Variants in AGBL3 observed in about 807,000 individuals in gnomAD.
AGBL3 encodes AGBL carboxypeptidase 3.
Under a neutral mutation model 94.5 loss-of-function variants are expected in AGBL3, and 68 were observed. That is an observed-to-expected ratio of 0.72 (90% CI 0.59 to 0.88). The LOEUF (loss-of-function observed/expected upper bound fraction) is 0.88, where lower values mean the gene tolerates loss of function less well. AGBL3 is among the 40% of genes least tolerant of loss of function. The pLI is 0.00. For missense variants in AGBL3, 934 were observed against 1,103.8 expected, an observed-to-expected ratio of 0.85 and a Z score of 2.18; for synonymous variants, 354 against 370.7, an observed-to-expected ratio of 0.95 and a Z score of 0.52.
intron 15 of AGBL3, among the ~76,000 whole-genome samples, chr7:135,090,164 G>C (rs1178884752): frequency 6.6e-6 from 1 of 152,122 alleles, no homozygotes. Flanking sequence ...ATGAAGCACT[G>C]TGTAGTAGTG....
rs1350640474 is a variant in AGBL3 at position 135,112,800 on chromosome 7, G to A, written c.2111-2580G>A. ...TTTATTTTTATTTTTTTGAGATGGAGTATTGATTGCTCTGTCACACAGGCT... is the reference window on the plus strand; with the variant it reads ...TTTATTTTTATTTTTTTGAGATGGAATATTGATTGCTCTGTCACACAGGCT... On this transcript the variant is annotated intron_variant, in intron 15 of 16. Transcript: ENST00000436302. Among the ~76,000 whole-genome samples, 4 of 152,246 alleles carry A rather than the reference G, an allele frequency of 2.6e-5. No homozygotes were observed. In the East Asian group the frequency reaches 7.7e-4, roughly 29 times the overall value.
chr7:135,099,106 T>C (rs1823365971), intron 15 of AGBL3, among the ~76,000 whole-genome samples: 2 of 152,202 alleles, frequency 1.3e-5, no homozygotes, highest in Non-Finnish European at 2.9e-5. Context: ...ACACTTTTCA[T>C]ATTTCATTTT....
At chr7:135,131,966 C>G (rs1828839919) in intron 16 of AGBL3, among the ~76,000 whole-genome samples, 1 of 151,996 alleles carries the variant, frequency 6.6e-6, no homozygotes, top group African/African-American at 2.4e-5. Flanking sequence ...TGAACTACCC[C>G]AACTCATTCA....
intron 15 of AGBL3, among the ~76,000 whole-genome samples, chr7:135,104,150 A>G: frequency 6.6e-6 from 1 of 152,058 alleles, no homozygotes; most frequent in East Asian, 1.9e-4. Flanking sequence ...TCCCACTTAT[A>G]AGTGACAACA....
At position 135,135,075 on chromosome 7, in the gene AGBL3, G is replaced by A. The variant is rs1388834223; in HGVS notation, c.2577G>A (p.Trp859Ter). 2 of 1,551,148 alleles carry A rather than the reference G, an allele frequency of 1.3e-6. No individual in the cohort carries two copies. The highest frequency in any genetic ancestry group is 1.7e-6 in the Non-Finnish European group (2 of 1,146,644). Residue 859 changes from tryptophan to a stop codon, truncating the protein, a stop_gained, in exon 17 of 17, where the codon TGG (tryptophan) becomes TGA (stop). Coordinates refer to ENST00000436302, the MANE Select transcript of AGBL3 (RefSeq NM_178563.4). LOFTEE classifies it low-confidence loss of function (END_TRUNC). ...ACATAAAACCTCTCAGCAGCAAGTG[G>A]GAGACTGCTTCTTCAAGCTTTGGAA... ...NEDIKPLSSK[W>*]ETASSSFGMD...
chr7:135,013,142 A>C (rs938310827), intron 4 of AGBL3, among the ~76,000 whole-genome samples: 7 of 152,238 alleles, frequency 4.6e-5, no homozygotes, highest in Non-Finnish European at 8.8e-5. Flanking sequence ...TCAAAGAATT[A>C]TAATAATCAA....
chr7:135,097,044 T>C (rs764883455), intron 15 of AGBL3, among the ~76,000 whole-genome samples: 9 of 152,194 alleles, frequency 5.9e-5, no homozygotes, highest in Non-Finnish European at 8.8e-5. Context: ...CAATGCTCAG[T>C]TGAACATAAT....
chr7:135,029,290 C>T (rs189500731), intron 5 of AGBL3, among the ~76,000 whole-genome samples: 132 of 152,326 alleles, frequency 8.7e-4, no homozygotes, highest in African/African-American at 2.8e-3. Context: ...CAATAGAAGG[C>T]TGATTGTCTA....
At chr7:135,037,605 T>A in intron 8 of AGBL3, 25 bp downstream of exon 8, 1 of 1,501,478 alleles carries the variant, frequency 6.7e-7, no homozygotes, top group Non-Finnish European at 8.9e-7. Flanking sequence ...AGGTATTAAC[T>A]TTTCCTTTAT....
chr7:135,100,558 T>G (rs1823682063), intron 15 of AGBL3, among the ~76,000 whole-genome samples: 1 of 152,206 alleles, frequency 6.6e-6, no homozygotes, highest in Non-Finnish European at 1.5e-5. Flanking sequence ...GCTTCTCTTC[T>G]AAGAACTCAG....
chr7:135,075,860 G>A (rs1281029619), intron 12 of AGBL3, among the ~76,000 whole-genome samples: 2 of 152,084 alleles, frequency 1.3e-5, no homozygotes, highest in African/African-American at 2.4e-5. Context: ...ATGCTTATTT[G>A]CCTGGCCCCC....
chr7:135,013,352 G>C (rs566367890), intron 4 of AGBL3, among the ~76,000 whole-genome samples: 4 of 152,068 alleles, frequency 2.6e-5, no homozygotes, highest in African/African-American at 9.7e-5. Flanking sequence ...TGACAGTTTT[G>C]TTTCTTAATA....
At chr7:135,124,576 C>T (rs1350869946) in intron 16 of AGBL3, among the ~76,000 whole-genome samples, 1 of 152,188 alleles carries the variant, frequency 6.6e-6, no homozygotes, top group Admixed American at 6.5e-5. Flanking sequence ...AATCTCCACC[C>T]CAAATCAACA....
chr7:135,013,886 G>A (rs1205896599), intron 4 of AGBL3, among the ~76,000 whole-genome samples: 1 of 152,044 alleles, frequency 6.6e-6, no homozygotes, highest in Non-Finnish European at 1.5e-5. Flanking sequence ...AAGCGAGAAA[G>A]CCTAAAAAGA....
At chr7:135,127,275 G>A (rs770058519) in intron 16 of AGBL3, among the ~76,000 whole-genome samples, 2 of 152,126 alleles carry the variant, frequency 1.3e-5, no homozygotes, top group African/African-American at 2.4e-5. Context: ...AAAGCTCAAT[G>A]GTTGGGTGTG....
At chr7:135,050,975 CT>C in intron 11 of AGBL3, 1 of 397,940 alleles carries the variant, frequency 2.5e-6, no homozygotes, top group South Asian at 1.9e-5. Context: ...CAGTTTTTTT[CT>C]CTTTTCTTCT....
chr7:135,115,861 G>C, intron 16 of AGBL3: 2 of 381,240 alleles, frequency 5.2e-6, no homozygotes, highest in South Asian at 9.0e-5. Context: ...TATTAATAAA[G>C]TAGGCATAAA....
chr7:135,059,669 C>CA (rs1818654686), intron 12 of AGBL3, among the ~76,000 whole-genome samples: 3 of 151,884 alleles, frequency 2.0e-5, no homozygotes, highest in Admixed American at 2.0e-4. Context: ...GGGGGAGATA[C>CA]AAAATAAAGA....
At position 135,115,417 on chromosome 7, in the gene AGBL3, C is replaced by T. The variant is rs1372533194; in HGVS notation, c.2148C>T (p.Cys716=). The T allele has an allele frequency of 3.2e-6, 5 of 1,551,082 alleles. No homozygotes were observed. Among genetic ancestry groups the T allele is most frequent in the East Asian group, 2.4e-5 (1 of 40,858 alleles). ...HHNLKSKIKE[C]ISFQSKKTGI... is the part of the protein sequence containing the mutation. ...ACTTAAAAAGCAAAATAAAAGAATGCATATCTTTCCAAAGCAAGAAGACTG... is the reference window on the plus strand; with the variant it reads ...ACTTAAAAAGCAAAATAAAAGAATGTATATCTTTCCAAAGCAAGAAGACTG... The change falls in exon 16 of 17, where the codon TGC becomes TGT. Residue 716 remains cysteine (C), a synonymous_variant. Coordinates refer to ENST00000436302, the MANE Select transcript of AGBL3 (RefSeq NM_178563.4).
Sources: allele counts gnomAD v4.1 joint callset (sites outside exome capture counted in the v4.1 genomes callset), GRCh38; gene constraint gnomAD v4.1.1; transcripts MANE v1.5; gene names NCBI Gene and HGNC (gene_info 2026-07-23, HGNC 2026-07-21).